ASPG: variants seen among roughly 807,000 people sequenced by gnomAD.
ASPG encodes asparaginase, also known as 60 kDa lysophospholipase.
Under a neutral mutation model 63.2 loss-of-function variants are expected in ASPG, and 53 were observed. The ratio of observed to expected loss-of-function variants is 0.84; its 90% CI spans 0.67 to 1.05. ASPG has a LOEUF of 1.05. Ranked by LOEUF, ASPG falls within the 50% of genes least tolerant of loss-of-function variation. ASPG has a pLI of 0.00. For synonymous variants in ASPG, 370 were observed against 355.0 expected (o/e 1.04, Z -0.48); for missense variants, 741 against 794.4 (o/e 0.93, Z 0.81).
rs377494855 is a variant in ASPG, at chr14:104,112,439, T to C, written c.1702-85T>C. 192 of 831,240 alleles carry C rather than the reference T, an allele frequency of 2.3e-4. No individual in the cohort carries two copies. In the African/African-American group the frequency reaches 2.5e-3, roughly 11 times the overall value. The allele number at this position is 831,240 out of a possible 1,614,324, so 51.5% of individuals were successfully genotyped here. A position where few individuals can be genotyped will look rare whatever the true frequency, so the allele number is the denominator to read the frequency against. ...TTGCTCAGGCTCTTGGGCTGTGCCG[T>C]ACAGACGGGGTGCCTGGGCTTGTCT... is the stretch of plus-strand genomic sequence containing the variant. On this transcript the variant is annotated intron_variant, in intron 15 of 15. Transcript: ENST00000551177.
intron 7 of ASPG, 134 bp downstream of exon 7, chr14:104,103,809 G>A (rs965881716): frequency 6.0e-5 from 42 of 704,420 alleles, no homozygotes; most frequent in Non-Finnish European, 1.4e-5. Flanking sequence ...TCTGCAGTGT[G>A]GCCCCACCAG....
chr14:104,085,714 G>T lies in ASPG; in HGVS notation c.-57G>T. 7.1e-7 allele frequency: 1 copy of T among 1,410,298 alleles called. No individual in the cohort carries two copies. The highest frequency in any genetic ancestry group is 9.3e-7 in the Non-Finnish European group (1 of 1,078,262). 87.4% of individuals were successfully genotyped at this position (1,410,298 alleles called of 1,614,324 possible). The stretch of plus-strand genomic sequence containing the variant: ...CTCCTCCGCGCAGTCCCTGAGTCCC[G>T]CAGGCCCTGCGTCCCCGCTGCACAC... On this transcript the variant is annotated 5_prime_UTR_variant, in exon 1 of 16. Transcript: ENST00000551177.
chr14:104,108,477 C>G (rs563672741), intron 12 of ASPG: 1 of 985,438 alleles, frequency 1.0e-6, no homozygotes, highest in Admixed American at 6.1e-5. Context: ...CTGCCTGGCC[C>G]TGCTGTGCCT....
At chr14:104,103,120 A>T (rs368147784) in intron 6 of ASPG, among the ~76,000 whole-genome samples, 1 of 152,230 alleles carries the variant, frequency 6.6e-6, no homozygotes, top group African/African-American at 2.4e-5. Flanking sequence ...AACCCAGCGC[A>T]GTGACTGCTG....
intron 4 of ASPG, among the ~76,000 whole-genome samples, chr14:104,096,848 C>T (rs908447939): frequency 3.3e-5 from 5 of 152,206 alleles, no homozygotes; most frequent in Non-Finnish European, 7.3e-5. Flanking sequence ...TGCCAGGGCT[C>T]TCTCCCTCCA....
In ASPG at chr14:104,105,350, G is replaced by T. The variant is rs2141037003; in HGVS notation, c.1073G>T (p.Gly358Val). The change falls in exon 10 of 16, where the codon GGG becomes GTG. Residue 358 changes from glycine (G) to valine (V), a missense_variant. Physicochemically the swap from Gly to Val is moderately radical, Grantham distance 109 (BLOSUM62 -3). Transcript: ENST00000551177. ...RKELLTKDLRGEMTPPSVEER... is the reference protein window; with the variant it reads ...RKELLTKDLRVEMTPPSVEER... Reference sequence around the variant, plus strand: ...CAGCTGCTGACCAAGGACCTTCGGGGGGAGATGACGCCACCCTCGGTGGAA... The same window carrying T: ...CAGCTGCTGACCAAGGACCTTCGGGTGGAGATGACGCCACCCTCGGTGGAA... 6.2e-7 allele frequency: 1 copy of T among 1,612,628 alleles called. No individual in the cohort carries two copies. Among genetic ancestry groups the T allele is most frequent in the East Asian group, 2.2e-5 (1 of 44,868 alleles).
chr14:104,094,594 C>A (rs747133176), intron 3 of ASPG, among the ~76,000 whole-genome samples: 2 of 152,168 alleles, frequency 1.3e-5, no homozygotes, highest in Non-Finnish European at 2.9e-5. Flanking sequence ...CCCCTGCTCC[C>A]CTGAGTGGGA....
chr14:104,095,133 C>T lies in ASPG; in HGVS notation c.304-398C>T, dbSNP rs530146697. 2.6e-5 allele frequency among the ~76,000 whole-genome samples: 4 copies of T among 152,334 alleles called. No individual in the cohort carries two copies. In the East Asian group the frequency reaches 7.7e-4, roughly 29 times the overall value. ...CATGGCTGTGCCTTGACCCTGCAGG[C>T]GTCCTTGTGCCCACCGTTGTGTTCT... On this transcript the variant is annotated intron_variant, in intron 3 of 15. Transcript: ENST00000551177.
Position 104,109,598 on chromosome 14 carries a change from A to C in ASPG, c.1520+283A>C, listed in dbSNP as rs1744303. 1.5e-4 allele frequency among the ~76,000 whole-genome samples: 16 copies of C among 107,512 alleles called. No individual in the cohort carries two copies. Among genetic ancestry groups the C allele is most frequent in the African/African-American group, 2.1e-4 (5 of 23,718 alleles). 70.5% of individuals were successfully genotyped at this position (107,512 alleles called of 152,430 possible). A position where few individuals can be genotyped will look rare whatever the true frequency, so the allele number is the denominator to read the frequency against. ...TGTGTGTATGCATGTGTGTGGGTGCATGTGTGTGTGTGTGGTGGGCTTGAG... is the reference window on the plus strand; with the variant it reads ...TGTGTGTATGCATGTGTGTGGGTGCCTGTGTGTGTGTGTGGTGGGCTTGAG... On this transcript the variant is annotated intron_variant, in intron 13 of 15. Coordinates refer to ENST00000551177, the MANE Select transcript of ASPG (RefSeq NM_001080464.3). This position sits in a 1 kb window ranked among gnomAD's most constrained non-coding sequence, Gnocchi z 4.8.
Position 104,110,769 on chromosome 14 carries a change from A to C in ASPG, c.1521-733A>C, listed in dbSNP as rs1282257300. ...CCACTTCCCCCAGCCCCTGCACACC[A>C]TGGGTGGGTGGAGCCTTCCCTGCCG... On this transcript the variant is annotated intron_variant, in intron 13 of 15. Transcript: ENST00000551177. This position sits in a 1 kb window ranked among gnomAD's most constrained non-coding sequence, Gnocchi z 4.7. 1 of 985,032 alleles carries C rather than the reference A, an allele frequency of 1.0e-6. No individual in the cohort carries two copies. The highest frequency in any genetic ancestry group is 1.7e-5 in the African/African-American group (1 of 57,158). The allele number at this position is 985,032 out of a possible 1,614,324, so 61.0% of individuals were successfully genotyped here.
Position 104,109,982 on chromosome 14 carries a change from C to T in ASPG, c.1520+667C>T. ...GGTGTCGGTTGTGGGTGGAGGTGGG[C>T]CAGGGATGCAGGGATCCTCCTCTGT... On this transcript the variant is annotated intron_variant, in intron 13 of 15. Transcript: ENST00000551177. This position sits in a 1 kb window ranked among gnomAD's most constrained non-coding sequence, Gnocchi z 4.8. 1.0e-6 allele frequency: 1 copy of T among 985,284 alleles called. No homozygotes were observed. Among genetic ancestry groups the T allele is most frequent in the Non-Finnish European group, 1.2e-6 (1 of 829,882 alleles). The allele number at this position is 985,284 out of a possible 1,614,324, so 61.0% of individuals were successfully genotyped here.
intron 3 of ASPG, 29 bp downstream of exon 3, chr14:104,093,631 GCT>G: frequency 9.5e-7 from 1 of 1,056,138 alleles, no homozygotes; most frequent in Non-Finnish European, 1.2e-6. Context: ...GCTGGGTGGG[GCT>G]GTGGTGTGTG....
At chr14:104,103,483 T>A (rs565739502) in intron 6 of ASPG, 80 bp from the exon 7 acceptor site, 1 of 1,263,332 alleles carries the variant, frequency 7.9e-7, no homozygotes, top group South Asian at 1.4e-5. Context: ...AGGCGGCCTG[T>A]GCAGAGGGCC....
At position 104,110,670 on chromosome 14, in the gene ASPG, T is replaced by C. The variant is rs556757055; in HGVS notation, c.1521-832T>C. The C allele has an allele frequency of 2.8e-4, 271 of 985,346 alleles. 6 individuals are homozygous for C. The Admixed American group carries it at 0.013, about 48-fold the overall frequency. The allele number at this position is 985,346 out of a possible 1,614,324, so 61.0% of individuals were successfully genotyped here. A position where few individuals can be genotyped will look rare whatever the true frequency, so the allele number is the denominator to read the frequency against. ...AGATTACCCAGTGCCACTGCAGGGCTGCTGCTGTTTCCTGGGTAGGCGCAG... is the reference window on the plus strand; with the variant it reads ...AGATTACCCAGTGCCACTGCAGGGCCGCTGCTGTTTCCTGGGTAGGCGCAG... On this transcript the variant is annotated intron_variant, in intron 13 of 15. Coordinates refer to ENST00000551177, the MANE Select transcript of ASPG (RefSeq NM_001080464.3). The surrounding 1 kb of genome is among the most constrained non-coding windows in gnomAD (Gnocchi z 4.7).
intron 4 of ASPG, among the ~76,000 whole-genome samples, chr14:104,096,763 T>G (rs2036613593): frequency 6.6e-6 from 1 of 152,160 alleles, no homozygotes; most frequent in Admixed American, 6.5e-5. Context: ...GCTTACAGGC[T>G]AGGGGCTCAC....
chr14:104,105,399 C>T lies in ASPG; in HGVS notation c.1122C>T (p.Gly374=). The T allele has an allele frequency of 6.2e-7, 1 of 1,612,092 alleles. No individual in the cohort carries two copies. The highest frequency in any genetic ancestry group is 8.5e-7 in the Non-Finnish European group (1 of 1,179,520). ...AAGAGCGCCGGCCCTCACTGCAGGG[C>T]AACACGCTGGGCGGTGGGGTCTCCT... ...SVEERRPSLQ[G]NTLGGGVSWL... Residue 374 remains glycine (G), a synonymous_variant, in exon 10 of 16, where the codon GGC becomes GGT. Coordinates refer to ENST00000551177, the MANE Select transcript of ASPG (RefSeq NM_001080464.3).
chr14:104,095,633 A>G lies in ASPG; in HGVS notation c.406A>G (p.Thr136Ala). The G allele has an allele frequency of 6.2e-7, 1 of 1,612,812 alleles. No individual in the cohort carries two copies. ...LSFMLENLQK[T>A]VILTGAQVPI... is the part of the protein sequence containing the mutation. ...CTTCATGCTGGAGAACCTGCAGAAG[A>G]CTGTCATCCTCACTGGGGCCCAGGT... Residue 136 changes from threonine to alanine, a missense_variant, in exon 4 of 16, where the codon ACT (threonine) becomes GCT (alanine). Transcript: ENST00000551177.
Position 104,085,824 on chromosome 14 carries a change from C to T in ASPG, c.54C>T (p.Gly18=), listed in dbSNP as rs1380564954. 7.5e-6 allele frequency: 12 copies of T among 1,591,234 alleles called. No individual in the cohort carries two copies. Among genetic ancestry groups the T allele is most frequent in the Non-Finnish European group, 9.4e-6 (11 of 1,174,596 alleles). Residue 18 remains glycine (G), a synonymous_variant, in exon 1 of 16, where the codon GGC becomes GGT. Coordinates refer to ENST00000551177, the MANE Select transcript of ASPG (RefSeq NM_001080464.3). ...GGCTGCTGGCCGTCTACACCGGCGG[C>T]ACCATTGGCATGCGGAGTGAGCTCG... ...ERRLLAVYTG[G]TIGMRSELGV...
rs2036973935 is a variant in ASPG, at chr14:104,103,505, T to C, written c.641-58T>C. On this transcript the variant is annotated intron_variant, in intron 6 of 15. Coordinates refer to ENST00000551177, the MANE Select transcript of ASPG (RefSeq NM_001080464.3). ...CTGTGCAGAGGGCCAGGCACTGGGC[T>C]GGGGTCTCGGCTGGCAGGAGGCCTG... The C allele has an allele frequency of 4.1e-6, 6 of 1,455,586 alleles. No homozygotes were observed. The Admixed American group carries it at 1.0e-4, about 24-fold the overall frequency. 90.2% of individuals were successfully genotyped at this position (1,455,586 alleles called of 1,614,324 possible). A position where few individuals can be genotyped will look rare whatever the true frequency, so the allele number is the denominator to read the frequency against.
Sources: allele counts gnomAD v4.1 joint callset (sites outside exome capture counted in the v4.1 genomes callset), GRCh38; gene constraint gnomAD v4.1.1; non-coding constraint Gnocchi (gnomAD v3.1); transcripts MANE v1.5; gene names NCBI Gene and HGNC (gene_info 2026-07-23, HGNC 2026-07-21).